CTNNA2: variants seen among roughly 807,000 people sequenced by gnomAD.
CTNNA2 encodes the protein catenin alpha-2.
A neutral mutation model predicts 101.0 loss-of-function variants in CTNNA2; 42 were observed. The observed-to-expected ratio is 0.42, with a 90% confidence interval of 0.32 to 0.54. CTNNA2 has a LOEUF of 0.54. Among genes scored for constraint, CTNNA2 ranks in the 20% least tolerant of loss-of-function variants. The pLI, the probability that CTNNA2 is intolerant of heterozygous loss-of-function variation, is 0.14. For synonymous variants in CTNNA2, 450 were observed against 456.4 expected (o/e 0.99, Z 0.18); for missense variants, 871 against 1,223.1 (o/e 0.71, Z 4.29).
At chr2:79,795,338 AAATAT>A (rs1371382890) in intron 3 of CTNNA2, among the ~76,000 whole-genome samples, 4 of 152,296 alleles carry the variant, frequency 2.6e-5, no homozygotes, top group East Asian at 3.9e-4. Flanking sequence ...AAAGATTTAA[AAATAT>A]AATAGTAAAG....
intron 2 of CTNNA2, among the ~76,000 whole-genome samples, chr2:79,252,200 G>A (rs1470685690): frequency 6.6e-6 from 1 of 152,128 alleles, no homozygotes; most frequent in Non-Finnish European, 1.5e-5. Flanking sequence ...GGAACATCTT[G>A]AGGGATAAAG....
At chr2:80,395,159 TG>T (rs1677893412) in intron 8 of CTNNA2, among the ~76,000 whole-genome samples, 1 of 152,198 alleles carries the variant, frequency 6.6e-6, no homozygotes, top group Non-Finnish European at 1.5e-5. Flanking sequence ...TGAAAAATTA[TG>T]GTGGAATTTT....
intron 7 of CTNNA2, among the ~76,000 whole-genome samples, chr2:80,215,664 C>T (rs1708217209): frequency 6.6e-6 from 1 of 152,164 alleles, no homozygotes. Flanking sequence ...AAGTGTCAGT[C>T]GGCCCCTACT....
At chr2:79,242,820 C>T (rs1674643793) in intron 2 of CTNNA2, among the ~76,000 whole-genome samples, 1 of 151,760 alleles carries the variant, frequency 6.6e-6, no homozygotes, top group South Asian at 2.1e-4. Flanking sequence ...GTAAAAGCAT[C>T]AGCCAGGCAT....
chr2:79,674,727 A>G (rs1412565970), intron 2 of CTNNA2, among the ~76,000 whole-genome samples: 1 of 152,234 alleles, frequency 6.6e-6, no homozygotes, highest in Non-Finnish European at 1.5e-5. Context: ...AGTTAATGCC[A>G]CCAAAAAATA....
At chr2:80,289,603 G>T (rs1395934738) in intron 7 of CTNNA2, among the ~76,000 whole-genome samples, 1 of 152,112 alleles carries the variant, frequency 6.6e-6, no homozygotes, top group Non-Finnish European at 1.5e-5. Context: ...TGCTGATTGA[G>T]AATCTACTAT....
intron 3 of CTNNA2, among the ~76,000 whole-genome samples, chr2:79,853,519 G>A (rs998411845): frequency 1.3e-5 from 2 of 152,082 alleles, no homozygotes; most frequent in Non-Finnish European, 2.9e-5. Flanking sequence ...CATTTAGAGT[G>A]CTGACCTTAC....
intron 3 of CTNNA2, among the ~76,000 whole-genome samples, chr2:79,799,834 G>A (rs1676020428): frequency 6.6e-6 from 1 of 152,040 alleles, no homozygotes; most frequent in African/African-American, 2.4e-5. Flanking sequence ...TATTTTATAT[G>A]TCATAAAAAT....
In CTNNA2 at chr2:79,978,572, A is replaced by G. The variant is rs145002523; in HGVS notation, c.1056+68775A>G. Among the ~76,000 whole-genome samples, 23 of 152,280 alleles carry G rather than the reference A, an allele frequency of 1.5e-4. No individual in the cohort carries two copies. The East Asian group carries it at 3.5e-3, about 23-fold the overall frequency. ...GCCTTCATCTTTTAGTCCAGAATCA[A>G]TAGACAATCCATTGTTACCAGTCTA... On this transcript the variant is annotated intron_variant, in intron 7 of 18. Transcript: ENST00000402739.
intron 1 of CTNNA2, among the ~76,000 whole-genome samples, chr2:79,187,839 AT>A (rs1673801478): frequency 6.6e-6 from 1 of 152,162 alleles, no homozygotes; most frequent in Non-Finnish European, 1.5e-5. Context: ...ACATAAGCCC[AT>A]TTTCTGTCAA....
intron 2 of CTNNA2, among the ~76,000 whole-genome samples, chr2:79,256,362 C>A (rs866173189): frequency 6.6e-6 from 1 of 152,202 alleles, no homozygotes; most frequent in African/African-American, 2.4e-5. Flanking sequence ...TATAACTCAG[C>A]CCCTCCTCCA....
intron 9 of CTNNA2, among the ~76,000 whole-genome samples, chr2:80,429,718 A>G (rs916213949): frequency 1.3e-5 from 2 of 152,240 alleles, no homozygotes; most frequent in South Asian, 4.1e-4. Context: ...GGAACAGATC[A>G]TGCAAACTGC....
chr2:79,651,401 TG>T, intron 1 of CTNNA2, 150 bp from the exon 2 acceptor site: 1 of 692,778 alleles, frequency 1.4e-6, no homozygotes, highest in Non-Finnish European at 2.5e-6. Context: ...TGTACTGGTC[TG>T]GTTTTTCCAT....
At chr2:80,627,199 T>G (rs905325048) in intron 18 of CTNNA2, among the ~76,000 whole-genome samples, 7 of 152,070 alleles carry the variant, frequency 4.6e-5, no homozygotes, top group Non-Finnish European at 1.0e-4. Context: ...GTCTTTATAG[T>G]AAAATGATTT....
intron 4 of CTNNA2, among the ~76,000 whole-genome samples, chr2:79,447,117 T>C (rs1246163255): frequency 1.3e-5 from 2 of 151,880 alleles, no homozygotes; most frequent in Non-Finnish European, 2.9e-5. Flanking sequence ...TGACAAGGAG[T>C]TAGGAGCCCC....
chr2:79,722,246 C>T (rs1007011163), intron 2 of CTNNA2, among the ~76,000 whole-genome samples: 4 of 152,158 alleles, frequency 2.6e-5, no homozygotes, highest in African/African-American at 4.8e-5. Context: ...ACATATTTAA[C>T]GTATTTCATA....
chr2:80,552,101 G>C (rs369744720), intron 11 of CTNNA2, among the ~76,000 whole-genome samples: 1 of 152,126 alleles, frequency 6.6e-6, no homozygotes, highest in African/African-American at 2.4e-5. Context: ...GACATTTATT[G>C]TTTGCCTTCT....
At chr2:79,694,159 C>A (rs992116598) in intron 2 of CTNNA2, among the ~76,000 whole-genome samples, 1 of 151,884 alleles carries the variant, frequency 6.6e-6, no homozygotes, top group Non-Finnish European at 1.5e-5. Context: ...TGTCAAATTG[C>A]GTCGCCTAAT....
intron 3 of CTNNA2, among the ~76,000 whole-genome samples, chr2:79,839,750 T>G (rs977305706): frequency 1.3e-5 from 2 of 152,122 alleles, no homozygotes; most frequent in Non-Finnish European, 1.5e-5. Flanking sequence ...ATCTATTTGA[T>G]TCAGAGTATC....
Sources: gnomAD v4.1 joint callset for allele counts (sites outside exome capture counted in the v4.1 genomes callset) on GRCh38, gnomAD v4.1.1 for gene constraint, MANE v1.5 for transcripts, NCBI Gene and HGNC (gene_info 2026-07-23, HGNC 2026-07-21) for gene names.